The following GSPT1 variants were observed in gnomAD, a reference collection of about 807,000 sequenced individuals.
GSPT1 encodes eukaryotic peptide chain release factor GTP-binding subunit ERF3A.
A neutral mutation model predicts 72.5 loss-of-function variants in GSPT1; 20 were observed. That is an observed-to-expected ratio of 0.28 (90% CI 0.19 to 0.40). The LOEUF (loss-of-function observed/expected upper bound fraction) is 0.40, where lower values mean the gene tolerates loss of function less well. Among genes scored for constraint, GSPT1 ranks in the 10% least tolerant of loss-of-function variants. GSPT1 has a pLI of 1.00. For synonymous variants in GSPT1, 334 were observed against 293.5 expected (o/e 1.14, Z -1.41); for missense variants, 580 against 811.9 (o/e 0.71, Z 3.47).
At chr16:11,901,802 G>T (rs1011852017) in intron 1 of GSPT1, among the ~76,000 whole-genome samples, 1 of 150,506 alleles carries the variant, frequency 6.6e-6, no homozygotes, top group Non-Finnish European at 1.5e-5. Flanking sequence ...AAAAAAAAAA[G>T]AGGAAAAACT....
At chr16:11,884,636 C>A (rs1404737496) in intron 10 of GSPT1, among the ~76,000 whole-genome samples, 1 of 152,008 alleles carries the variant, frequency 6.6e-6, no homozygotes, top group Admixed American at 6.6e-5. Flanking sequence ...CGGTGGCACA[C>A]GCCTGTAGTC....
At chr16:11,891,012 G>T in intron 6 of GSPT1, 50 bp downstream of exon 6, 1 of 791,054 alleles carries the variant, frequency 1.3e-6, no homozygotes, top group Non-Finnish European at 2.1e-6. Flanking sequence ...CACTAAGTGG[G>T]CATCGTCTCC....
intron 5 of GSPT1, among the ~76,000 whole-genome samples, chr16:11,893,848 T>C (rs996143035): frequency 4.6e-5 from 7 of 152,032 alleles, no homozygotes; most frequent in African/African-American, 1.4e-4. Flanking sequence ...CAAAAGTAAC[T>C]GGCAAGATTA....
At chr16:11,882,957 T>C in intron 11 of GSPT1, 58 bp downstream of exon 11, 1 of 1,138,318 alleles carries the variant, frequency 8.8e-7, no homozygotes, top group East Asian at 2.4e-5. Context: ...ACCCTATCTC[T>C]TAAAGAAAAA....
chr16:11,908,503 G>C, intron 1 of GSPT1: 1 of 54,836 alleles, frequency 1.8e-5, no homozygotes, highest in Non-Finnish European at 3.1e-5. Flanking sequence ...GCTCACGCCT[G>C]TAATCCCAGC....
At chr16:11,888,794 A>G (rs964021759) in intron 6 of GSPT1, among the ~76,000 whole-genome samples, 1 of 152,156 alleles carries the variant, frequency 6.6e-6, no homozygotes, top group South Asian at 2.1e-4. Context: ...AACTGAAAGA[A>G]TGTATTATTT....
intron 1 of GSPT1, among the ~76,000 whole-genome samples, chr16:11,906,568 A>G (rs1222803866): frequency 1.3e-5 from 2 of 152,200 alleles, no homozygotes; most frequent in Admixed American, 6.5e-5. Context: ...CAGGAGGTTG[A>G]GGCCACAGTG....
intron 4 of GSPT1, chr16:11,895,699 T>C (rs2054327501): frequency 6.6e-6 from 1 of 152,096 alleles, no homozygotes; most frequent in Non-Finnish European, 1.5e-5. Flanking sequence ...CGATCTCACC[T>C]CACTGCAACC....
intron 7 of GSPT1, 67 bp from the exon 8 acceptor site, chr16:11,886,998 C>T: frequency 3.7e-5 from 38 of 1,019,654 alleles, no homozygotes; most frequent in South Asian, 1.1e-4. Context: ...AGTAAAACAT[C>T]TTTCCTTTCA....
chr16:11,885,655 G>C (rs1368491279), intron 9 of GSPT1, among the ~76,000 whole-genome samples: 1 of 152,174 alleles, frequency 6.6e-6, no homozygotes, highest in East Asian at 1.9e-4. Context: ...ACTTTGGGAG[G>C]CCGAAAGGCA....
At chr16:11,881,064 A>C (rs1351420293) in intron 11 of GSPT1, 2 of 152,114 alleles carry the variant, frequency 1.3e-5, no homozygotes, top group African/African-American at 4.8e-5. Flanking sequence ...ACACTTGGCT[A>C]ATTTTTTGTA....
chr16:11,887,171 T>G (rs944402324), intron 7 of GSPT1, among the ~76,000 whole-genome samples: 1 of 152,158 alleles, frequency 6.6e-6, no homozygotes, highest in Non-Finnish European at 1.5e-5. Context: ...TTCCAACATT[T>G]ACTTTCTAGC....
intron 8 of GSPT1, 48 bp downstream of exon 8, chr16:11,886,729 A>G (rs2141286539): frequency 6.3e-7 from 1 of 1,583,624 alleles, no homozygotes; most frequent in Non-Finnish European, 8.6e-7. Flanking sequence ...ACAATAACAA[A>G]ACCATCCTTA....
chr16:11,891,167 T>G (rs1328285790), intron 5 of GSPT1, 28 bp from the exon 6 acceptor site: 9 of 1,147,224 alleles, frequency 7.8e-6, no homozygotes, highest in Non-Finnish European at 8.6e-6. Flanking sequence ...AAAAAAAAAG[T>G]AAACAATTAC....
intron 7 of GSPT1, 28 bp from the exon 8 acceptor site, chr16:11,886,959 TC>T: frequency 1.9e-6 from 3 of 1,601,504 alleles, no homozygotes; most frequent in Non-Finnish European, 2.6e-6. Flanking sequence ...AACAGTTTAC[TC>T]CTTCGCCTTC....
At chr16:11,880,545 C>G (rs1172454921) in intron 11 of GSPT1, among the ~76,000 whole-genome samples, 1 of 152,170 alleles carries the variant, frequency 6.6e-6, no homozygotes, top group Non-Finnish European at 1.5e-5. Context: ...GAGACCCAGC[C>G]TGGTCTCAAA....
At chr16:11,892,524 A>AAAAC (rs2054277887) in intron 5 of GSPT1, among the ~76,000 whole-genome samples, 5 of 126,646 alleles carry the variant, frequency 3.9e-5, no homozygotes, top group African/African-American at 1.9e-4. Flanking sequence ...CAAAAAAAAC[A>AAAAC]AAAAAAACAA....
chr16:11,892,983 C>A (rs2054288736), intron 5 of GSPT1, among the ~76,000 whole-genome samples: 1 of 151,954 alleles, frequency 6.6e-6, no homozygotes, highest in African/African-American at 2.4e-5. Flanking sequence ...TATAAGATGT[C>A]AACATCAGGG....
chr16:11,880,545 C>A (rs1172454921), intron 11 of GSPT1, among the ~76,000 whole-genome samples: 2 of 152,170 alleles, frequency 1.3e-5, no homozygotes, highest in African/African-American at 4.8e-5. Context: ...GAGACCCAGC[C>A]TGGTCTCAAA....
Sources: allele counts gnomAD v4.1 joint callset (sites outside exome capture counted in the v4.1 genomes callset), GRCh38; gene constraint gnomAD v4.1.1; transcripts MANE v1.5; gene names NCBI Gene and HGNC (gene_info 2026-07-23, HGNC 2026-07-21).